Variants in FSTL5 observed in about 807,000 individuals in gnomAD.
The protein encoded by FSTL5 is follistatin like 5, also known as follistatin-related protein 5.
A neutral mutation model predicts 89.1 loss-of-function variants in FSTL5; 62 were observed. The ratio of observed to expected loss-of-function variants is 0.70; its 90% confidence interval spans 0.57 to 0.86. The LOEUF is 0.86. FSTL5 is among the 40% of genes least tolerant of loss of function. The pLI, the probability that FSTL5 is intolerant of heterozygous loss-of-function variation, is 0.00. For synonymous variants in FSTL5, 383 were observed against 346.2 expected (o/e 1.11, Z -1.18); for missense variants, 1,057 against 1,001.6 (o/e 1.06, Z -0.75).
intron 4 of FSTL5, among the ~76,000 whole-genome samples, chr4:161,779,764 T>TATATATATATATATATATAC (rs1244175042): frequency 2.0e-4 from 3 of 14,964 alleles, no homozygotes; most frequent in Non-Finnish European, 3.0e-4. Flanking sequence ...TAAAGTTATA[T>TATATATATATATATATATAC]ATATATATAT....
At chr4:161,938,805 G>A (rs1170863438) in intron 3 of FSTL5, among the ~76,000 whole-genome samples, 11 of 151,860 alleles carry the variant, frequency 7.2e-5, no homozygotes. Flanking sequence ...TTATGAATAA[G>A]CATTGTCTTT....
chr4:161,510,175 T>A (rs1345707824), intron 11 of FSTL5, among the ~76,000 whole-genome samples: 1 of 152,114 alleles, frequency 6.6e-6, no homozygotes, highest in Non-Finnish European at 1.5e-5. Context: ...TTTCAATATA[T>A]CGCAATGACA....
chr4:162,058,901 T>A (rs1738637697), intron 2 of FSTL5, among the ~76,000 whole-genome samples: 1 of 152,188 alleles, frequency 6.6e-6, no homozygotes, highest in Non-Finnish European at 1.5e-5. Context: ...CTTTCAATTA[T>A]ATAATTCATT....
chr4:162,037,915 T>C (rs1041107056), intron 2 of FSTL5, among the ~76,000 whole-genome samples: 2 of 152,092 alleles, frequency 1.3e-5, no homozygotes, highest in East Asian at 1.9e-4. Context: ...TTTGCCACAA[T>C]TGTATTTTAC....
At chr4:162,077,641 A>T (rs1729921596) in intron 2 of FSTL5, among the ~76,000 whole-genome samples, 1 of 151,770 alleles carries the variant, frequency 6.6e-6, no homozygotes, top group Non-Finnish European at 1.5e-5. Flanking sequence ...CCAGAAGAAC[A>T]TATGTGGTGA....
At chr4:161,515,147 T>TA (rs201993254) in intron 10 of FSTL5, among the ~76,000 whole-genome samples, 20 of 152,104 alleles carry the variant, frequency 1.3e-4, no homozygotes, top group African/African-American at 3.4e-4. Context: ...TACATTAAAT[T>TA]AAAAAAAACC....
intron 1 of FSTL5, among the ~76,000 whole-genome samples, chr4:162,155,694 T>C (rs565743482): frequency 6.6e-6 from 1 of 152,302 alleles, no homozygotes; most frequent in East Asian, 1.9e-4. Context: ...TTTGACTGAA[T>C]GCAGAAGAGT....
intron 4 of FSTL5, among the ~76,000 whole-genome samples, chr4:161,852,797 T>A (rs1250180251): frequency 2.6e-5 from 4 of 152,058 alleles, no homozygotes; most frequent in Non-Finnish European, 1.5e-5. Flanking sequence ...AGGAATGAGA[T>A]CATGTCCTTT....
intron 3 of FSTL5, among the ~76,000 whole-genome samples, chr4:161,968,969 G>GCA (rs34014344): frequency 0.4 from 58,422 of 146,798 alleles, 11,598 homozygotes; most frequent in Middle Eastern, 0.53. Flanking sequence ...ACTCACATAA[G>GCA]CACACACACA....
In FSTL5 at chr4:161,615,293, CA is replaced by C. The variant is rs1203046031; in HGVS notation, c.895-27719del. Among the ~76,000 whole-genome samples the C allele has an allele frequency of 5.0e-3, 131 of 26,464 alleles. 3 individuals carry two copies. Among genetic ancestry groups the C allele is most frequent in the South Asian group, 6.4e-3 (4 of 622 alleles). 17.4% of individuals were successfully genotyped at this position (26,464 alleles called of 152,430 possible). On this transcript the variant is annotated intron_variant, in intron 7 of 15. Coordinates refer to ENST00000306100, the MANE Select transcript of FSTL5 (RefSeq NM_020116.5). ...TGGGCAACAGAGGGAGACTCTGTCT[CA>C]AAAAAAAAAAAAAAAAAAAAAATTA... is the stretch of plus-strand genomic sequence containing the variant.
intron 7 of FSTL5, among the ~76,000 whole-genome samples, chr4:161,610,865 A>G (rs1734608651): frequency 6.6e-6 from 1 of 151,942 alleles, no homozygotes; most frequent in South Asian, 2.1e-4. Flanking sequence ...TTTCAGGTGC[A>G]GATACAACAA....
chr4:162,156,863 C>G lies in FSTL5; in HGVS notation c.-17+6752G>C, dbSNP rs1733494094. 2.6e-5 allele frequency among the ~76,000 whole-genome samples: 4 copies of G among 152,088 alleles called. No homozygotes were observed. The South Asian group carries it at 6.2e-4, about 24-fold the overall frequency. ...AGCATCAGGGAATATATCCAGGTAA[C>G]AAGCATGCACATATATCCCCTGAAT... is the stretch of plus-strand genomic sequence containing the variant. On this transcript the variant is annotated intron_variant, in intron 1 of 15. Transcript: ENST00000306100.
At chr4:161,457,132 TGATCCAGA>T (rs1417761328) in intron 14 of FSTL5, among the ~76,000 whole-genome samples, 5 of 152,354 alleles carry the variant, frequency 3.3e-5, no homozygotes, top group Admixed American at 3.3e-4. Flanking sequence ...GCCTATTCTC[TGATCCAGA>T]GATCTTGTGT....
intron 3 of FSTL5, among the ~76,000 whole-genome samples, chr4:161,978,469 C>A (rs1255832083): frequency 1.3e-5 from 2 of 151,948 alleles, no homozygotes; most frequent in East Asian, 3.9e-4. Context: ...GTCACTCATG[C>A]TGTTTTATTT....
chr4:161,778,405 T>C (rs1045151638), intron 4 of FSTL5, among the ~76,000 whole-genome samples: 5 of 152,200 alleles, frequency 3.3e-5, no homozygotes, highest in Non-Finnish European at 7.3e-5. Flanking sequence ...ACAATTAGGC[T>C]TAAGAGCATG....
intron 4 of FSTL5, among the ~76,000 whole-genome samples, chr4:161,861,306 C>T (rs1158302240): frequency 3.3e-5 from 5 of 152,116 alleles, no homozygotes; most frequent in African/African-American, 1.2e-4. Context: ...GCCGCAATCG[C>T]AGCTGCTTGG....
chr4:161,939,621 G>A (rs1489058690), intron 3 of FSTL5, among the ~76,000 whole-genome samples: 2 of 151,864 alleles, frequency 1.3e-5, no homozygotes, highest in East Asian at 1.9e-4. Flanking sequence ...TGTAGAGGAA[G>A]AATTGATTTT....
intron 6 of FSTL5, among the ~76,000 whole-genome samples, chr4:161,676,653 T>C (rs28627718): frequency 0.017 from 2,529 of 151,840 alleles, 76 homozygotes; most frequent in African/African-American, 0.057. Flanking sequence ...TAAAGTATAA[T>C]AAATTTTTAA....
intron 3 of FSTL5, among the ~76,000 whole-genome samples, chr4:161,953,904 C>T (rs1229759148): frequency 4.6e-5 from 7 of 151,222 alleles, no homozygotes; most frequent in Admixed American, 3.3e-4. Context: ...ATTGGTTTTG[C>T]CAAAGAGTAA....
Sources: gnomAD v4.1 joint callset for allele counts (sites outside exome capture counted in the v4.1 genomes callset) on GRCh38, gnomAD v4.1.1 for gene constraint, MANE v1.5 for transcripts, NCBI Gene and HGNC (gene_info 2026-07-23, HGNC 2026-07-21) for gene names.